LRBA: variants seen among roughly 807,000 people sequenced by gnomAD.
LRBA encodes the protein lipopolysaccharide-responsive and beige-like anchor protein.
A neutral mutation model predicts 330.0 loss-of-function variants in LRBA; 176 were observed. The observed-to-expected ratio is 0.53, with a 90% CI of 0.47 to 0.60. The LOEUF (loss-of-function observed/expected upper bound fraction) is 0.60, where lower values mean the gene tolerates loss of function less well. Among genes scored for constraint, LRBA ranks in the 20% least tolerant of loss-of-function variants. The pLI is 0.00. For missense variants in LRBA, 3,259 were observed against 3,444.8 expected (o/e 0.95, Z 1.35); for synonymous variants, 1,230 against 1,193.0 (o/e 1.03, Z -0.64).
chr4:150,991,223 T>C (rs1483467429), intron 2 of LRBA, among the ~76,000 whole-genome samples: 1 of 152,122 alleles, frequency 6.6e-6, no homozygotes, highest in African/African-American at 2.4e-5. Flanking sequence ...CTGACAAGGA[T>C]GGAGAACAAC....
chr4:150,949,410 G>A (rs1359064356), intron 2 of LRBA, among the ~76,000 whole-genome samples: 1 of 152,002 alleles, frequency 6.6e-6, no homozygotes, highest in African/African-American at 2.4e-5. Flanking sequence ...GTTGCCAGGG[G>A]TTAAGATGGG....
At chr4:150,467,860 A>G (rs916210131) in intron 43 of LRBA, 75 bp from the exon 44 acceptor site, 16 of 659,744 alleles carry the variant, frequency 2.4e-5, no homozygotes, top group Middle Eastern at 4.1e-4. Flanking sequence ...ATAATTTACT[A>G]AAAATAAGAT....
At chr4:150,705,244 T>C (rs947951729) in intron 36 of LRBA, among the ~76,000 whole-genome samples, 3 of 152,068 alleles carry the variant, frequency 2.0e-5, no homozygotes, top group Non-Finnish European at 4.4e-5. Context: ...ATAAAGCTAA[T>C]GAAAATCTGG....
At chr4:150,480,540 A>G (rs1290986489) in intron 42 of LRBA, among the ~76,000 whole-genome samples, 1 of 152,122 alleles carries the variant, frequency 6.6e-6, no homozygotes, top group Non-Finnish European at 1.5e-5. Context: ...TATATTAAAT[A>G]ATGCTATAGC....
chr4:150,273,820 G>A (rs1026095047), intron 56 of LRBA, among the ~76,000 whole-genome samples: 15 of 152,156 alleles, frequency 9.9e-5, no homozygotes, highest in Non-Finnish European at 1.9e-4. Flanking sequence ...CAAGTTCTTA[G>A]AGACCTACAA....
chr4:150,703,645 C>T (rs1223403702), intron 36 of LRBA, among the ~76,000 whole-genome samples: 1 of 152,188 alleles, frequency 6.6e-6, no homozygotes, highest in Non-Finnish European at 1.5e-5. Flanking sequence ...GCTAATGTAA[C>T]GTCCATAACA....
intron 2 of LRBA, among the ~76,000 whole-genome samples, chr4:150,945,653 A>T (rs1309695916): frequency 3.3e-5 from 5 of 152,222 alleles, no homozygotes; most frequent in Non-Finnish European, 7.3e-5. Context: ...TATTAACATC[A>T]TATATAATCA....
At chr4:150,390,823 C>T (rs1561108702) in intron 47 of LRBA, among the ~76,000 whole-genome samples, 1 of 152,120 alleles carries the variant, frequency 6.6e-6, no homozygotes. Flanking sequence ...AGCAATAAGG[C>T]TAAATAAACT....
intron 40 of LRBA, among the ~76,000 whole-genome samples, chr4:150,585,776 T>C (rs1051286332): frequency 6.6e-6 from 1 of 152,080 alleles, no homozygotes; most frequent in Admixed American, 6.5e-5. Context: ...TAGAGAAAAA[T>C]GTTTTTAAAG....
chr4:150,865,099 A>G (rs138637523), intron 22 of LRBA, among the ~76,000 whole-genome samples: 2 of 152,184 alleles, frequency 1.3e-5, no homozygotes, highest in East Asian at 3.9e-4. Flanking sequence ...CTAACCTATA[A>G]TCTCCCCTAG....
At chr4:150,486,918 T>G (rs1259553347) in intron 42 of LRBA, among the ~76,000 whole-genome samples, 5 of 151,904 alleles carry the variant, frequency 3.3e-5, no homozygotes, top group Non-Finnish European at 7.4e-5. Flanking sequence ...CTTATTTCAC[T>G]TAACAGAATG....
chr4:150,769,048 T>C (rs2126517972), intron 34 of LRBA, among the ~76,000 whole-genome samples: 1 of 148,910 alleles, frequency 6.7e-6, no homozygotes, highest in Admixed American at 6.8e-5. Context: ...GCAACTCTCC[T>C]GCGTCAGCTT....
intron 55 of LRBA, among the ~76,000 whole-genome samples, chr4:150,278,630 T>C (rs1747116975): frequency 6.6e-6 from 1 of 152,192 alleles, no homozygotes. Context: ...CCTTTCCTAC[T>C]AGCGCTGAAC....
intron 37 of LRBA, among the ~76,000 whole-genome samples, chr4:150,616,550 A>C (rs1224070154): frequency 6.6e-6 from 1 of 152,320 alleles, no homozygotes; most frequent in East Asian, 1.9e-4. Flanking sequence ...AGACTTGACT[A>C]TTGGATTTAT....
At chr4:150,466,144 T>C (rs950096660) in intron 44 of LRBA, among the ~76,000 whole-genome samples, 5 of 152,044 alleles carry the variant, frequency 3.3e-5, no homozygotes, top group Non-Finnish European at 5.9e-5. Flanking sequence ...CTAAACACTA[T>C]TGTTTGTCAT....
At chr4:150,731,400 CA>C (rs1249209059) in intron 36 of LRBA, among the ~76,000 whole-genome samples, 2 of 152,052 alleles carry the variant, frequency 1.3e-5, no homozygotes, top group African/African-American at 4.8e-5. Context: ...ATATGTCCAG[CA>C]AAAGATGAAT....
intron 33 of LRBA, among the ~76,000 whole-genome samples, chr4:150,804,061 TA>T (rs1005931781): frequency 4.0e-5 from 6 of 151,136 alleles, no homozygotes; most frequent in Admixed American, 1.3e-4. Context: ...TTACACCATT[TA>T]AAAAAAAAGT....
At chr4:150,294,687 C>G (rs968424698) in intron 53 of LRBA, among the ~76,000 whole-genome samples, 1 of 152,194 alleles carries the variant, frequency 6.6e-6, no homozygotes, top group Non-Finnish European at 1.5e-5. Context: ...CGCAGTGGCT[C>G]ACGCCTGTAA....
chr4:150,924,288 G>C (rs1733635643), intron 4 of LRBA, among the ~76,000 whole-genome samples: 1 of 152,132 alleles, frequency 6.6e-6, no homozygotes, highest in African/African-American at 2.4e-5. Flanking sequence ...AAGGTGGAGG[G>C]ATCGCTTGAG....
Sources: allele counts gnomAD v4.1 joint callset (sites outside exome capture counted in the v4.1 genomes callset), GRCh38; gene constraint gnomAD v4.1.1; transcripts MANE v1.5; gene names NCBI Gene and HGNC (gene_info 2026-07-23, HGNC 2026-07-21).